Variants in KALRN observed in about 807,000 individuals in gnomAD.
KALRN encodes kalirin RhoGEF kinase, also known as kalirin.
In KALRN, 70 loss-of-function variants were observed where a neutral mutation model predicts 353.7. The observed-to-expected ratio is 0.20, with a 90% CI of 0.16 to 0.24. The LOEUF (loss-of-function observed/expected upper bound fraction) is 0.24, where lower values mean the gene tolerates loss of function less well. Ranked by LOEUF, KALRN falls within the 10% of genes least tolerant of loss-of-function variation. The pLI, the probability that KALRN is intolerant of heterozygous loss-of-function variation, is 1.00. For synonymous variants in KALRN, 1,391 were observed against 1,434.8 expected, an observed-to-expected ratio of 0.97 and a Z score of 0.69; for missense variants, 2,791 against 3,756.7, an observed-to-expected ratio of 0.74 and a Z score of 6.72.
intron 25 of KALRN, 117 bp from the exon 26 acceptor site, chr3:124,474,546 C>A: frequency 1.3e-6 from 1 of 763,296 alleles, no homozygotes; most frequent in Non-Finnish European, 2.3e-6. Context: ...ATCACTTAGA[C>A]AGTAGAGAAG....
intron 1 of KALRN, chr3:124,082,276 C>A: frequency 2.1e-6 from 1 of 471,144 alleles, no homozygotes; most frequent in Non-Finnish European, 4.4e-6. Context: ...GAAAACATAA[C>A]CTCAAGTATC....
chr3:124,697,586 T>G lies in KALRN; in HGVS notation c.7700-7T>G, dbSNP rs554423080. 6.3e-7 allele frequency: 1 copy of G among 1,595,994 alleles called. No homozygotes were observed. The highest frequency in any genetic ancestry group is 1.1e-5 in the South Asian group (1 of 87,582). On this transcript the variant is annotated splice_polypyrimidine_tract_variant and splice_region_variant and intron_variant, in intron 54 of 59. Coordinates refer to ENST00000682506, the MANE Select transcript of KALRN (RefSeq NM_001388419.1). ...ATAGCACCTGATCCTGATTTCTGTC[T>G]CCATAGGTGTTCCAGCAGCCCCTAA...
chr3:124,238,692 ACTT>A (rs775404020), intron 3 of KALRN, among the ~76,000 whole-genome samples: 65 of 152,174 alleles, frequency 4.3e-4, no homozygotes, highest in Non-Finnish European at 7.1e-4. Context: ...TCCTAAGAGA[ACTT>A]CTTTTTAGTC....
At chr3:124,714,209 GCCTGATCTGTTTGTAGGGAA>G (rs1056256032) in intron 58 of KALRN, among the ~76,000 whole-genome samples, 6 of 152,188 alleles carry the variant, frequency 3.9e-5, no homozygotes, top group South Asian at 2.1e-4. Flanking sequence ...CTCTTTCAGA[GCCTGATCTGTTTGTAGGGAA>G]CCTCCTAACT....
intron 13 of KALRN, chr3:124,410,290 C>G (rs141429431): frequency 4.2e-4 from 224 of 532,446 alleles, no homozygotes; most frequent in African/African-American, 3.8e-3. Flanking sequence ...ACCTCAGACT[C>G]AGTTTCACAG....
At chr3:124,641,243 T>C (rs538487069) in intron 37 of KALRN, among the ~76,000 whole-genome samples, 1 of 152,326 alleles carries the variant, frequency 6.6e-6, no homozygotes, top group East Asian at 1.9e-4. Context: ...TGAGTCCTTC[T>C]GGACATTAAT....
At chr3:124,449,917 T>A (rs2058615402) in intron 21 of KALRN, among the ~76,000 whole-genome samples, 1 of 152,270 alleles carries the variant, frequency 6.6e-6, no homozygotes, top group Non-Finnish European at 1.5e-5. Context: ...ATTTCATTGA[T>A]ATACCACTTT....
At chr3:124,508,415 C>T (rs2108781312) in intron 33 of KALRN, among the ~76,000 whole-genome samples, 1 of 152,260 alleles carries the variant, frequency 6.6e-6, no homozygotes, top group African/African-American at 2.4e-5. Context: ...TTTTATATGA[C>T]TAGAATCATT....
chr3:124,707,097 G>C (rs1025570177), intron 57 of KALRN, among the ~76,000 whole-genome samples: 2 of 152,052 alleles, frequency 1.3e-5, no homozygotes, highest in Non-Finnish European at 2.9e-5. Flanking sequence ...CCAGCACTTT[G>C]GGAGGCTGAG....
At chr3:124,351,026 C>G (rs916231355) in intron 10 of KALRN, among the ~76,000 whole-genome samples, 1 of 152,140 alleles carries the variant, frequency 6.6e-6, no homozygotes, top group East Asian at 1.9e-4. Flanking sequence ...ATGCTGACCA[C>G]AGTGAAGGCA....
chr3:124,455,580 A>G (rs1292600078), intron 22 of KALRN, among the ~76,000 whole-genome samples: 1 of 152,196 alleles, frequency 6.6e-6, no homozygotes, highest in Non-Finnish European at 1.5e-5. Flanking sequence ...TATACATTAC[A>G]AAATCGACTG....
intron 6 of KALRN, among the ~76,000 whole-genome samples, chr3:124,320,077 C>T (rs187662164): frequency 5.6e-4 from 85 of 152,212 alleles, no homozygotes; most frequent in Non-Finnish European, 1.0e-3. Context: ...TTTTCTCAGT[C>T]GAGGCAATAC....
chr3:124,148,896 A>G (rs569107784), intron 1 of KALRN, among the ~76,000 whole-genome samples: 1 of 152,320 alleles, frequency 6.6e-6, no homozygotes, highest in East Asian at 1.9e-4. Context: ...GCTCACAGAA[A>G]ATCCATCATT....
At chr3:124,370,990 T>C (rs2085757301) in intron 10 of KALRN, among the ~76,000 whole-genome samples, 1 of 152,250 alleles carries the variant, frequency 6.6e-6, no homozygotes, top group African/African-American at 2.4e-5. Context: ...AAACTGCCAA[T>C]TCCTTTAGGG....
At chr3:124,686,642 G>A (rs952316703) in intron 51 of KALRN, among the ~76,000 whole-genome samples, 2 of 152,036 alleles carry the variant, frequency 1.3e-5, no homozygotes, top group Non-Finnish European at 1.5e-5. Context: ...TGGCAGATGG[G>A]TTGAGACCAG....
intron 1 of KALRN, among the ~76,000 whole-genome samples, chr3:124,193,822 A>G (rs906859400): frequency 3.3e-5 from 5 of 152,166 alleles, no homozygotes; most frequent in East Asian, 1.9e-4. Context: ...CTCACAAAGT[A>G]TATCTATTTT....
At chr3:124,496,533 C>G in intron 33 of KALRN, 120 bp downstream of exon 33, 1 of 725,724 alleles carries the variant, frequency 1.4e-6, no homozygotes, top group South Asian at 1.7e-5. Context: ...CCAGTTGTCT[C>G]TTTGTGCCAG....
At chr3:124,286,089 T>TTCTTTCTTTC (rs1553893923) in intron 5 of KALRN, among the ~76,000 whole-genome samples, 3 of 135,828 alleles carry the variant, frequency 2.2e-5, no homozygotes, top group African/African-American at 5.7e-5. Flanking sequence ...CTTCCTTTCT[T>TTCTTTCTTTC]TCTTTCTTTC....
intron 34 of KALRN, among the ~76,000 whole-genome samples, chr3:124,585,622 T>C (rs1578155562): frequency 6.6e-6 from 1 of 151,778 alleles, no homozygotes; most frequent in African/African-American, 2.4e-5. Flanking sequence ...AGAGGGAGGG[T>C]TCTCAATTGT....
Sources: gnomAD v4.1 joint callset for allele counts (sites outside exome capture counted in the v4.1 genomes callset) on GRCh38, gnomAD v4.1.1 for gene constraint, MANE v1.5 for transcripts, NCBI Gene and HGNC (gene_info 2026-07-23, HGNC 2026-07-21) for gene names.